GRIP1: variants seen among roughly 807,000 people sequenced by gnomAD.
The protein encoded by GRIP1 is glutamate receptor interacting protein 1.
A neutral mutation model predicts 129.9 loss-of-function variants in GRIP1; 45 were observed. The observed-to-expected ratio is 0.35, with a 90% confidence interval of 0.27 to 0.44. The LOEUF is 0.44. GRIP1 is among the 20% of genes least tolerant of loss of function. GRIP1 has a pLI of 1.00. For synonymous variants in GRIP1, 530 were observed against 520.8 expected, an observed-to-expected ratio of 1.02 and a Z score of -0.24; for missense variants, 1,196 against 1,396.8, an observed-to-expected ratio of 0.86 and a Z score of 2.29.
intron 1 of GRIP1, among the ~76,000 whole-genome samples, chr12:66,794,592 C>T (rs61926158): frequency 0.041 from 6,187 of 152,202 alleles, 140 homozygotes; most frequent in Middle Eastern, 0.095. Flanking sequence ...TAAATACTTA[C>T]GTTACTTCTA....
At chr12:66,869,327 G>A (rs1338516984) in intron 1 of GRIP1, among the ~76,000 whole-genome samples, 1 of 152,048 alleles carries the variant, frequency 6.6e-6, no homozygotes, top group African/African-American at 2.4e-5. Flanking sequence ...TAGAATTCAA[G>A]AGGCTAAAAT....
chr12:66,714,252 T>C (rs144914258), intron 1 of GRIP1, among the ~76,000 whole-genome samples: 8 of 152,102 alleles, frequency 5.3e-5, no homozygotes, highest in African/African-American at 1.7e-4. Context: ...ACTTAAGGAG[T>C]TGGTATATTT....
intron 1 of GRIP1, among the ~76,000 whole-genome samples, chr12:67,016,579 C>T (rs1372143152): frequency 6.6e-6 from 1 of 152,096 alleles, no homozygotes; most frequent in Non-Finnish European, 1.5e-5. Flanking sequence ...TATCTAGTTA[C>T]TTCTGACCTG....
chr12:66,873,921 G>A (rs186307531), intron 1 of GRIP1, among the ~76,000 whole-genome samples: 250 of 152,102 alleles, frequency 1.6e-3, no homozygotes, highest in Non-Finnish European at 2.7e-3. Context: ...ATTCAATTAC[G>A]TTTCTCTACA....
At chr12:66,521,260 T>C (rs1264960419) in intron 5 of GRIP1, among the ~76,000 whole-genome samples, 1 of 152,214 alleles carries the variant, frequency 6.6e-6, no homozygotes, top group Non-Finnish European at 1.5e-5. Flanking sequence ...ATGTGCTTAA[T>C]AAACATTTGA....
upstream of GRIP1, chr12:66,679,171 C>T (rs2034479193): frequency 3.7e-6 from 5 of 1,367,876 alleles, no homozygotes; most frequent in African/African-American, 2.9e-5. Context: ...AATGCCGTTT[C>T]GATAGCAACA....
intron 1 of GRIP1, among the ~76,000 whole-genome samples, chr12:66,959,321 A>G (rs577915729): frequency 6.6e-6 from 1 of 152,218 alleles, no homozygotes; most frequent in South Asian, 2.1e-4. Context: ...CCACATTTAC[A>G]TTTTGCAATT....
intron 5 of GRIP1, among the ~76,000 whole-genome samples, chr12:66,523,323 C>G (rs1226590058): frequency 6.1e-5 from 9 of 147,818 alleles, no homozygotes; most frequent in Admixed American, 6.0e-4. Context: ...AGATTAACAG[C>G]TGATCTCTTG....
chr12:66,531,040 G>T (rs60680895), intron 4 of GRIP1, among the ~76,000 whole-genome samples: 7,212 of 151,696 alleles, frequency 0.048, 559 homozygotes, highest in African/African-American at 0.16. Context: ...TTCAAGGCCA[G>T]CCTGGCTAAG....
chr12:66,587,263 C>T (rs1407016082), intron 2 of GRIP1, among the ~76,000 whole-genome samples: 2 of 152,222 alleles, frequency 1.3e-5, no homozygotes, highest in African/African-American at 4.8e-5. Context: ...CAGATCATTA[C>T]GTGGTTCACC....
chr12:66,964,935 C>T (rs1161794625), intron 1 of GRIP1, among the ~76,000 whole-genome samples: 1 of 152,074 alleles, frequency 6.6e-6, no homozygotes, highest in East Asian at 1.9e-4. Context: ...TCTGGTGTCT[C>T]TTTGTGTGTC....
At position 66,948,538 on chromosome 12, in the gene GRIP1, T is replaced by C. The variant is rs556139709; in HGVS notation, c.58+120512A>G. ...ATAGAAGAAGATTATGAGCTGCTTC[T>C]TCTGTCTTGAAGAAGCTCATAGTCC... On this transcript the variant is annotated intron_variant, in intron 1 of 1. Transcript: ENST00000643019. Among the ~76,000 whole-genome samples the C allele has an allele frequency of 2.0e-5, 3 of 152,270 alleles. No individual in the cohort carries two copies. The South Asian group carries it at 6.2e-4, about 32-fold the overall frequency.
At chr12:66,855,507 A>T (rs950424753) in intron 1 of GRIP1, among the ~76,000 whole-genome samples, 6 of 151,996 alleles carry the variant, frequency 3.9e-5, no homozygotes, top group African/African-American at 1.4e-4. Context: ...GATTCATATC[A>T]CTTAATCCTT....
At chr12:66,649,842 A>G (rs2032659242) in intron 1 of GRIP1, among the ~76,000 whole-genome samples, 1 of 152,220 alleles carries the variant, frequency 6.6e-6, no homozygotes, top group Non-Finnish European at 1.5e-5. Flanking sequence ...TGGATGTAGG[A>G]ATATATCAGA....
intron 1 of GRIP1, among the ~76,000 whole-genome samples, chr12:66,751,787 C>T (rs570699318): frequency 6.6e-6 from 1 of 152,172 alleles, no homozygotes; most frequent in Non-Finnish European, 1.5e-5. Context: ...AAATTTATCT[C>T]GCTTATAAAC....
intron 1 of GRIP1, among the ~76,000 whole-genome samples, chr12:66,727,625 G>A (rs1162103379): frequency 6.6e-6 from 1 of 152,114 alleles, no homozygotes; most frequent in Admixed American, 6.6e-5. Context: ...AAACCTAACT[G>A]ACACAAAAGG....
chr12:66,877,472 C>G (rs1311693209), intron 1 of GRIP1, among the ~76,000 whole-genome samples: 2 of 151,914 alleles, frequency 1.3e-5, no homozygotes, highest in African/African-American at 4.8e-5. Flanking sequence ...TAGGTAATAT[C>G]TAACATCTCA....
In GRIP1 at chr12:66,871,949, T is replaced by C. The variant is rs187471944; in HGVS notation, c.58+197101A>G. ...TTGCTTTTGGGCACCATCTTCATTG[T>C]TGTGGCCAGCCAGACTTCTGTTTGT... is the stretch of plus-strand genomic sequence containing the variant. On this transcript the variant is annotated intron_variant, in intron 1 of 1. Coordinates refer to the GRIP1 transcript ENST00000643019. Among the ~76,000 whole-genome samples the C allele has an allele frequency of 3.6e-3, 543 of 152,200 alleles. 1 individual carries two copies. The highest frequency in any genetic ancestry group is 0.013 in the African/African-American group (530 of 41,548).
intron 22 of GRIP1, among the ~76,000 whole-genome samples, chr12:66,376,495 G>T (rs746031574): frequency 6.6e-6 from 1 of 152,196 alleles, no homozygotes; most frequent in Non-Finnish European, 1.5e-5. Context: ...TTTGATTAAA[G>T]AACTCACCAG....
Sources: allele counts gnomAD v4.1 joint callset (sites outside exome capture counted in the v4.1 genomes callset), GRCh38; gene constraint gnomAD v4.1.1; transcripts MANE v1.5; gene names NCBI Gene and HGNC (gene_info 2026-07-23, HGNC 2026-07-21).